The following PLCH1 variants were observed in gnomAD, a reference collection of about 807,000 sequenced individuals.
The protein encoded by PLCH1 is phospholipase C eta 1.
A neutral mutation model predicts 126.7 loss-of-function variants in PLCH1; 60 were observed. That is an observed-to-expected ratio of 0.47 (90% confidence interval 0.38 to 0.59). The LOEUF is 0.59. PLCH1 is among the 20% of genes least tolerant of loss of function. The pLI, the probability that PLCH1 is intolerant of heterozygous loss-of-function variation, is 0.00. For synonymous variants in PLCH1, 719 were observed against 734.9 expected (o/e 0.98, Z 0.35); for missense variants, 1,723 against 2,040.0 (o/e 0.84, Z 2.99).
intron 10 of PLCH1, among the ~76,000 whole-genome samples, chr3:155,544,282 G>C (rs1403099810): frequency 6.6e-6 from 1 of 152,148 alleles, no homozygotes; most frequent in Non-Finnish European, 1.5e-5. Context: ...GATCAAAAGA[G>C]ACAAAGAAGG....
In PLCH1 at chr3:155,523,932, C is replaced by G. The variant is rs1721550995; in HGVS notation, c.1435G>C (p.Glu479Gln). ...GEVSDEDSAD[E>Q]IEDECKFKLH... Reference sequence around the variant, plus strand: ...TTGAATTTGCACTCGTCTTCAATTTCATCTGCACTGTCCTCATCAGAAACT... The same window carrying G: ...TTGAATTTGCACTCGTCTTCAATTTGATCTGCACTGTCCTCATCAGAAACT... The change falls in exon 11 of 23, where the codon GAA (glutamate) becomes CAA (glutamine). Residue 479 changes from glutamate (E) to glutamine (Q), a missense_variant. Transcript: ENST00000460012. The G allele has an allele frequency of 6.2e-7, 1 of 1,607,134 alleles. No homozygotes were observed.
At chr3:155,474,071 C>A (rs1392686295) in intron 21 of PLCH1, among the ~76,000 whole-genome samples, 1 of 152,144 alleles carries the variant, frequency 6.6e-6, no homozygotes, top group Non-Finnish European at 1.5e-5. Flanking sequence ...CCAACATTGA[C>A]AAATGGGATC....
intron 1 of PLCH1, among the ~76,000 whole-genome samples, 181 bp downstream of exon 1, chr3:155,744,659 G>C (rs1312969829): frequency 6.6e-6 from 1 of 152,094 alleles, no homozygotes; most frequent in Non-Finnish European, 1.5e-5. Context: ...TTCCCCGCAC[G>C]GGGCCTTAGG....
At chr3:155,667,730 A>T (rs1577282878) in intron 2 of PLCH1, among the ~76,000 whole-genome samples, 1 of 151,790 alleles carries the variant, frequency 6.6e-6, no homozygotes, top group East Asian at 1.9e-4. Flanking sequence ...CTTCCCCACC[A>T]CTTTTTAAAT....
chr3:155,594,992 G>A (rs1041830954), intron 3 of PLCH1, among the ~76,000 whole-genome samples: 1 of 152,234 alleles, frequency 6.6e-6, no homozygotes, highest in African/African-American at 2.4e-5. Context: ...AATGCCATAG[G>A]GCTAAGGTGG....
intron 4 of PLCH1, among the ~76,000 whole-genome samples, chr3:155,587,837 C>T (rs1731586796): frequency 6.6e-6 from 1 of 152,084 alleles, no homozygotes; most frequent in African/African-American, 2.4e-5. Flanking sequence ...ATGGATGATT[C>T]ATAGTTGTTG....
intron 2 of PLCH1, among the ~76,000 whole-genome samples, chr3:155,610,648 T>C (rs1427781642): frequency 6.6e-6 from 1 of 152,084 alleles, no homozygotes; most frequent in Non-Finnish European, 1.5e-5. Context: ...TAAAGTCTTT[T>C]TCAAACAAAT....
intron 2 of PLCH1, among the ~76,000 whole-genome samples, chr3:155,662,128 C>T (rs1208621284): frequency 6.6e-6 from 1 of 152,132 alleles, no homozygotes; most frequent in Non-Finnish European, 1.5e-5. Flanking sequence ...AGGACACTCA[C>T]TAGAACTAGA....
rs576847767 is a variant in PLCH1, at chr3:155,606,176, A to C, written c.80-9798T>G. On this transcript the variant is annotated intron_variant, in intron 2 of 22. Coordinates refer to ENST00000460012, the MANE Select transcript of PLCH1 (RefSeq NM_014996.4). ...TTCTTGAATCTTGTTTTTTGAGGAA[A>C]AAAAGTTTTCTTCTCAGTCCATTGA... Among the ~76,000 whole-genome samples the C allele has an allele frequency of 6.6e-5, 10 of 152,278 alleles. No individual in the cohort carries two copies. The South Asian group carries it at 8.3e-4, about 13-fold the overall frequency.
intron 8 of PLCH1, among the ~76,000 whole-genome samples, chr3:155,560,031 G>T (rs1169165689): frequency 6.6e-6 from 1 of 152,208 alleles, no homozygotes; most frequent in African/African-American, 2.4e-5. Context: ...ACATGGTTAG[G>T]CTTGGGTAGG....
chr3:155,475,651 A>T (rs141731779), downstream of PLCH1, among the ~76,000 whole-genome samples: 1,347 of 152,250 alleles, frequency 8.8e-3, 14 homozygotes, highest in South Asian at 0.053. Context: ...ATATTGCAGC[A>T]ATTCGAAGGA....
At chr3:155,491,140 C>T (rs1716116441) in intron 18 of PLCH1, among the ~76,000 whole-genome samples, 1 of 152,230 alleles carries the variant, frequency 6.6e-6, no homozygotes, top group African/African-American at 2.4e-5. Context: ...CCAAACAGAA[C>T]TGAGATGTTT....
rs1302859090 is a variant in PLCH1, at chr3:155,603,777, AT to A, written c.80-7400del. 4.0e-5 allele frequency among the ~76,000 whole-genome samples: 6 copies of A among 151,446 alleles called. No individual in the cohort carries two copies. In the East Asian group the frequency reaches 5.8e-4, roughly 15 times the overall value. ...ATCTGGGTGTCTTACTACAGACATG[AT>A]TTTTTTTTAATGATCTCTATATAAA... On this transcript the variant is annotated intron_variant, in intron 2 of 22. Coordinates refer to ENST00000460012, the MANE Select transcript of PLCH1 (RefSeq NM_014996.4).
chr3:155,480,293 A>C lies in PLCH1; in HGVS notation c.*675T>G, dbSNP rs1190929125. The C allele has an allele frequency of 2.0e-5, 3 of 152,664 alleles. No individual in the cohort carries two copies. The highest frequency in any genetic ancestry group is 2.9e-5 in the Non-Finnish European group (2 of 68,046). The allele number at this position is 152,664 out of a possible 1,614,324, so 9.5% of individuals were successfully genotyped here. A position where few individuals can be genotyped will look rare whatever the true frequency, so the allele number is the denominator to read the frequency against. On this transcript the variant is annotated 3_prime_UTR_variant, in exon 23 of 23. Coordinates refer to ENST00000460012, the MANE Select transcript of PLCH1 (RefSeq NM_014996.4). ...AAAGCCATTAGCAAAAATATGTAAC[A>C]AAATTTATGTAAAACAAACAATTTT...
At chr3:155,649,477 C>T (rs973170121) in intron 2 of PLCH1, among the ~76,000 whole-genome samples, 2 of 152,198 alleles carry the variant, frequency 1.3e-5, no homozygotes, top group African/African-American at 4.8e-5. Context: ...GCACCATGCA[C>T]AACCTATGCT....
chr3:155,468,338 AG>A (rs1713007065), intron 21 of PLCH1, among the ~76,000 whole-genome samples: 1 of 152,206 alleles, frequency 6.6e-6, no homozygotes, highest in Non-Finnish European at 1.5e-5. Context: ...AAGGAAAGAA[AG>A]TAGGAAGAGA....
intron 8 of PLCH1, among the ~76,000 whole-genome samples, chr3:155,556,622 G>A: frequency 6.6e-6 from 1 of 152,178 alleles, no homozygotes; most frequent in East Asian, 1.9e-4. Flanking sequence ...TTTAAAAATA[G>A]GATTAACATT....
intron 2 of PLCH1, among the ~76,000 whole-genome samples, chr3:155,614,378 A>G (rs1261868942): frequency 6.6e-6 from 1 of 152,170 alleles, no homozygotes; most frequent in Non-Finnish European, 1.5e-5. Context: ...GAGGCATCAC[A>G]TTACCCAACT....
At chr3:155,525,237 G>A (rs1038926652) in intron 10 of PLCH1, among the ~76,000 whole-genome samples, 3 of 152,138 alleles carry the variant, frequency 2.0e-5, no homozygotes, top group Admixed American at 2.0e-4. Flanking sequence ...GCTATGGTGT[G>A]AATGCTGGTG....
Sources: gnomAD v4.1 joint callset for allele counts (sites outside exome capture counted in the v4.1 genomes callset) on GRCh38, gnomAD v4.1.1 for gene constraint, MANE v1.5 for transcripts, NCBI Gene and HGNC (gene_info 2026-07-23, HGNC 2026-07-21) for gene names.